RPS6KA2: variants seen among roughly 807,000 people sequenced by gnomAD.
The protein encoded by RPS6KA2 is ribosomal protein S6 kinase alpha-2.
Under a neutral mutation model 91.8 loss-of-function variants are expected in RPS6KA2, and 42 were observed. That is an observed-to-expected ratio of 0.46 (90% CI 0.36 to 0.59). The LOEUF (loss-of-function observed/expected upper bound fraction) is 0.59. Among genes scored for constraint, RPS6KA2 ranks in the 20% least tolerant of loss-of-function variants. The probability of loss-of-function intolerance (pLI) is 0.00; values close to 1 mark genes in which losing one functional copy is unlikely to be tolerated. For synonymous variants in RPS6KA2, 414 were observed against 393.6 expected, an observed-to-expected ratio of 1.05 and a Z score of -0.61; for missense variants, 798 against 978.5, an observed-to-expected ratio of 0.82 and a Z score of 2.46.
intron 2 of RPS6KA2, chr6:166,701,832 C>T (rs1789529829): frequency 1.1e-6 from 1 of 904,942 alleles, no homozygotes; most frequent in Non-Finnish European, 1.8e-6. Context: ...CATGTCTCAA[C>T]ATTGCCTTTA....
intron 2 of RPS6KA2, among the ~76,000 whole-genome samples, chr6:166,655,172 A>G (rs1217557118): frequency 2.0e-5 from 3 of 152,196 alleles, no homozygotes; most frequent in Admixed American, 1.3e-4. Context: ...TTTACCTTCC[A>G]CAGAAATTGC....
At chr6:166,506,518 A>C (rs2235271) in intron 5 of RPS6KA2, among the ~76,000 whole-genome samples, 71,544 of 152,040 alleles carry the variant, frequency 0.47, 17,023 homozygotes, top group East Asian at 0.59. Context: ...ACACAGCAGG[A>C]GGCAAAGGAA....
chr6:166,487,946 G>C (rs1249971281), intron 10 of RPS6KA2, among the ~76,000 whole-genome samples: 1 of 152,146 alleles, frequency 6.6e-6, no homozygotes, highest in Non-Finnish European at 1.5e-5. Flanking sequence ...AGCTGATGTG[G>C]GGAAGAAGTT....
At chr6:166,836,199 G>C (rs933287871) in intron 2 of RPS6KA2, among the ~76,000 whole-genome samples, 1 of 151,836 alleles carries the variant, frequency 6.6e-6, no homozygotes, top group Non-Finnish European at 1.5e-5. Flanking sequence ...ATAGTTTTCT[G>C]TTTTTGTTTT....
chr6:166,597,389 C>T (rs536928492), intron 1 of RPS6KA2, among the ~76,000 whole-genome samples: 22 of 152,308 alleles, frequency 1.4e-4, no homozygotes, highest in African/African-American at 4.6e-4. Context: ...AAGCCAACAC[C>T]TGGCAGCCAG....
At chr6:166,814,983 G>A (rs1309286839) in intron 2 of RPS6KA2, among the ~76,000 whole-genome samples, 1 of 152,160 alleles carries the variant, frequency 6.6e-6, no homozygotes, top group Non-Finnish European at 1.5e-5. Context: ...CCTGGTCAGT[G>A]GAAAAACTGT....
chr6:166,731,055 C>A (rs976610941), intron 2 of RPS6KA2, among the ~76,000 whole-genome samples: 1 of 152,150 alleles, frequency 6.6e-6, no homozygotes, highest in Non-Finnish European at 1.5e-5. Context: ...CCAGCCTGAC[C>A]AACATGGTGA....
intron 2 of RPS6KA2, among the ~76,000 whole-genome samples, chr6:166,768,644 A>G (rs1778386299): frequency 6.6e-6 from 1 of 152,178 alleles, no homozygotes; most frequent in Non-Finnish European, 1.5e-5. Flanking sequence ...AAAACAAAAC[A>G]AAACAAAACC....
chr6:166,752,176 C>T (rs1323424398), intron 2 of RPS6KA2, among the ~76,000 whole-genome samples: 1 of 152,230 alleles, frequency 6.6e-6, no homozygotes, highest in Non-Finnish European at 1.5e-5. Flanking sequence ...TCATTAATAA[C>T]CTGTGATCTT....
intron 2 of RPS6KA2, among the ~76,000 whole-genome samples, chr6:166,650,457 G>C (rs1787816862): frequency 6.6e-6 from 1 of 151,894 alleles, no homozygotes; most frequent in African/African-American, 2.4e-5. Flanking sequence ...GGAGGGAGGG[G>C]GGTCCATGTT....
intron 10 of RPS6KA2, among the ~76,000 whole-genome samples, chr6:166,474,247 G>A (rs1780879831): frequency 2.0e-5 from 3 of 152,202 alleles, no homozygotes; most frequent in South Asian, 4.1e-4. Flanking sequence ...AATGGACCAC[G>A]TTTGAAGTCA....
chr6:166,457,428 G>A (rs1780139096), intron 12 of RPS6KA2, among the ~76,000 whole-genome samples: 1 of 152,230 alleles, frequency 6.6e-6, no homozygotes, highest in South Asian at 2.1e-4. Flanking sequence ...TTCTAAGGAA[G>A]CTGAGAATGG....
At chr6:166,716,990 A>G (rs1426896479) in intron 2 of RPS6KA2, among the ~76,000 whole-genome samples, 1 of 152,258 alleles carries the variant, frequency 6.6e-6, no homozygotes, top group Non-Finnish European at 1.5e-5. Flanking sequence ...GACCTTGCTC[A>G]TGGCTGTGTA....
rs977133202 is a variant in RPS6KA2, at chr6:166,626,234, G to A, written c.99+687C>T. On this transcript the variant is annotated intron_variant, in intron 1 of 20. Transcript: ENST00000265678. This position sits in a 1 kb window ranked among gnomAD's most constrained non-coding sequence, Gnocchi z 4.1. Reference sequence around the variant, plus strand: ...ACACCACGAGAGAACCGTCCACAAGGAAACTCTAAGATGCCAAGATGCGGG... The same window carrying A: ...ACACCACGAGAGAACCGTCCACAAGAAAACTCTAAGATGCCAAGATGCGGG... Among the ~76,000 whole-genome samples the A allele has an allele frequency of 7.2e-5, 11 of 152,260 alleles. No individual in the cohort carries two copies. Among genetic ancestry groups the A allele is most frequent in the Non-Finnish European group, 1.5e-4 (10 of 68,052 alleles).
intron 2 of RPS6KA2, among the ~76,000 whole-genome samples, chr6:166,807,170 A>G: frequency 6.6e-6 from 1 of 152,232 alleles, no homozygotes; most frequent in African/African-American, 2.4e-5. Context: ...TTAAATGTAA[A>G]TGGATTAAAC....
chr6:166,584,019 C>T (rs866405862), intron 1 of RPS6KA2, among the ~76,000 whole-genome samples: 10 of 152,200 alleles, frequency 6.6e-5, no homozygotes, highest in Admixed American at 3.9e-4. Context: ...AGGTGTGCAA[C>T]GAAACAAGGT....
rs1288871194 is a variant in RPS6KA2, at chr6:166,651,794, A to T, written c.124-113010T>A. ...CATCAACTCTTCCATCTCATACCTC[A>T]TCAGAGCTTTCCATCTGATCCCATT... On this transcript the variant is annotated intron_variant, in intron 2 of 21. Transcript: ENST00000503859. Among the ~76,000 whole-genome samples, 3 of 152,376 alleles carry T rather than the reference A, an allele frequency of 2.0e-5. No individual in the cohort carries two copies. The East Asian group carries it at 5.8e-4, about 29-fold the overall frequency.
chr6:166,775,084 A>T (rs191674673), intron 2 of RPS6KA2, among the ~76,000 whole-genome samples: 19 of 152,280 alleles, frequency 1.2e-4, no homozygotes. Flanking sequence ...AGGCTACACA[A>T]CCAATTTTAC....
chr6:166,794,388 C>T (rs1260666022), intron 2 of RPS6KA2, among the ~76,000 whole-genome samples: 3 of 152,292 alleles, frequency 2.0e-5, no homozygotes, highest in Non-Finnish European at 4.4e-5. Context: ...GAAATAGGAA[C>T]ACTTTTGCAC....
Sources: allele counts gnomAD v4.1 joint callset (sites outside exome capture counted in the v4.1 genomes callset), GRCh38; gene constraint gnomAD v4.1.1; non-coding constraint Gnocchi (gnomAD v3.1); transcripts MANE v1.5; gene names NCBI Gene and HGNC (gene_info 2026-07-23, HGNC 2026-07-21).